SOX6: variants seen among roughly 807,000 people sequenced by gnomAD.
SOX6 encodes SRY-box transcription factor 6.
SOX6 carries 11 observed loss-of-function variants against 97.8 expected under a neutral mutation model. The ratio of observed to expected loss-of-function variants is 0.11; its 90% CI spans 0.07 to 0.19. SOX6 has a LOEUF of 0.19. SOX6 is among the 10% of genes least tolerant of loss of function. SOX6 has a pLI of 1.00. For missense variants in SOX6, 810 were observed against 1,039.5 expected, an observed-to-expected ratio of 0.78 and a Z score of 3.04; for synonymous variants, 360 against 371.4, an observed-to-expected ratio of 0.97 and a Z score of 0.35.
chr11:16,053,707 G>A (rs539362121), intron 10 of SOX6, among the ~76,000 whole-genome samples: 13 of 152,038 alleles, frequency 8.6e-5, no homozygotes, highest in Non-Finnish European at 1.8e-4. Flanking sequence ...GGGGGAAAAG[G>A]TACATCAGAT....
At chr11:16,595,706 G>A (rs1292576899) in intron 4 of SOX6, among the ~76,000 whole-genome samples, 2 of 151,870 alleles carry the variant, frequency 1.3e-5, no homozygotes, top group African/African-American at 4.8e-5. Flanking sequence ...GGCCAGGAAT[G>A]GCTGCAATGA....
chr11:16,141,877 C>T (rs1194078997), intron 6 of SOX6, among the ~76,000 whole-genome samples: 1 of 152,148 alleles, frequency 6.6e-6, no homozygotes, highest in Non-Finnish European at 1.5e-5. Context: ...GGGAGGAGCC[C>T]ACTGCAGGTC....
intron 4 of SOX6, among the ~76,000 whole-genome samples, chr11:16,536,316 G>T (rs181004043): frequency 6.6e-6 from 1 of 152,224 alleles, no homozygotes; most frequent in East Asian, 1.9e-4. Flanking sequence ...TAAAAATAAT[G>T]GTATAAATCA....
upstream of SOX6, among the ~76,000 whole-genome samples, chr11:16,477,387 C>A (rs952224966): frequency 3.3e-5 from 5 of 152,156 alleles, no homozygotes; most frequent in African/African-American, 1.2e-4. Context: ...TTTGTAGGAA[C>A]CACTGCACCC....
intron 6 of SOX6, among the ~76,000 whole-genome samples, chr11:16,152,088 G>A (rs1439899862): frequency 2.0e-5 from 3 of 152,076 alleles, no homozygotes; most frequent in Non-Finnish European, 2.9e-5. Context: ...ATACATCATA[G>A]GGAACACCAC....
upstream of SOX6, among the ~76,000 whole-genome samples, chr11:16,359,746 C>T (rs1857161743): frequency 6.6e-6 from 1 of 151,994 alleles, no homozygotes; most frequent in Admixed American, 6.6e-5. Context: ...TGAATAATCA[C>T]AAAGGAAATA....
intron 7 of SOX6, among the ~76,000 whole-genome samples, chr11:16,097,955 G>A (rs190773288): frequency 3.3e-5 from 5 of 151,886 alleles, no homozygotes; most frequent in East Asian, 1.9e-4. Context: ...ACTCCATTGC[G>A]AATCTTGTAA....
rs541697129 is a variant in SOX6 at position 16,352,437 on chromosome 11, A to G, written c.-5+3657T>C. Among the ~76,000 whole-genome samples the G allele has an allele frequency of 2.0e-5, 3 of 152,242 alleles. No individual in the cohort carries two copies. The East Asian group carries it at 5.8e-4, about 29-fold the overall frequency. ...CATTTAGTTCTTAGAGCAACTCTAGAAGTTAAATAATGTCATTATCCCTGT... is the reference window on the plus strand; with the variant it reads ...CATTTAGTTCTTAGAGCAACTCTAGGAGTTAAATAATGTCATTATCCCTGT... On this transcript the variant is annotated intron_variant, in intron 1 of 15. Coordinates refer to ENST00000683767, the MANE Select transcript of SOX6 (RefSeq NM_001367873.1).
chr11:15,989,477 T>C (rs949657484), intron 13 of SOX6, among the ~76,000 whole-genome samples: 1 of 152,186 alleles, frequency 6.6e-6, no homozygotes, highest in Admixed American at 6.5e-5. Context: ...CTACAATAAA[T>C]GGTAGGTGAT....
At chr11:16,322,218 A>G (rs752379345) in intron 2 of SOX6, among the ~76,000 whole-genome samples, 5 of 152,154 alleles carry the variant, frequency 3.3e-5, no homozygotes, top group Non-Finnish European at 5.9e-5. Context: ...GTAATTCCCA[A>G]TGTTGGAGGA....
intron 2 of SOX6, among the ~76,000 whole-genome samples, chr11:16,327,694 A>G (rs1049835503): frequency 4.6e-5 from 7 of 152,162 alleles, no homozygotes; most frequent in Non-Finnish European, 1.0e-4. Context: ...ATGGTCAGCC[A>G]TACTGCAAGC....
intron 3 of SOX6, among the ~76,000 whole-genome samples, chr11:16,271,330 T>C (rs1457625965): frequency 6.6e-6 from 1 of 151,402 alleles, no homozygotes; most frequent in Non-Finnish European, 1.5e-5. Flanking sequence ...GCAATTTACT[T>C]TTATGGTACT....
chr11:16,559,169 T>C (rs1847780537), intron 4 of SOX6, among the ~76,000 whole-genome samples: 3 of 152,054 alleles, frequency 2.0e-5, no homozygotes, highest in African/African-American at 7.2e-5. Flanking sequence ...TGACTTAATG[T>C]ATATTTGCTA....
intron 4 of SOX6, among the ~76,000 whole-genome samples, chr11:16,219,455 C>T (rs1186352165): frequency 6.6e-6 from 1 of 151,868 alleles, no homozygotes; most frequent in Non-Finnish European, 1.5e-5. Flanking sequence ...TTTAAATGAC[C>T]TAAATTCTCT....
chr11:16,363,025 C>T (rs1857249111), intron 1 of SOX6, among the ~76,000 whole-genome samples: 1 of 152,140 alleles, frequency 6.6e-6, no homozygotes, highest in Non-Finnish European at 1.5e-5. Context: ...TCGGTAAATA[C>T]ATATATGTAT....
chr11:16,415,566 T>C (rs150626393), intron 1 of SOX6, among the ~76,000 whole-genome samples: 1 of 152,188 alleles, frequency 6.6e-6, no homozygotes, highest in Non-Finnish European at 1.5e-5. Flanking sequence ...TGATTTTGAA[T>C]GTTCTCAAAA....
chr11:16,208,349 TC>T (rs1422656621), intron 4 of SOX6, among the ~76,000 whole-genome samples: 1 of 152,198 alleles, frequency 6.6e-6, no homozygotes, highest in Non-Finnish European at 1.5e-5. Flanking sequence ...AAACTACTTT[TC>T]TAATAATACT....
intron 13 of SOX6, among the ~76,000 whole-genome samples, chr11:16,002,468 A>G (rs1264354403): frequency 1.3e-5 from 2 of 152,122 alleles, no homozygotes; most frequent in Non-Finnish European, 2.9e-5. Flanking sequence ...TATTTCAACT[A>G]CAGAATCCCA....
At chr11:16,580,866 T>C (rs1364811761) in intron 4 of SOX6, among the ~76,000 whole-genome samples, 2 of 152,030 alleles carry the variant, frequency 1.3e-5, no homozygotes, top group African/African-American at 4.8e-5. Flanking sequence ...CACTGATCAT[T>C]AGAGAAATAC....
Sources: allele counts gnomAD v4.1 joint callset (sites outside exome capture counted in the v4.1 genomes callset), GRCh38; gene constraint gnomAD v4.1.1; transcripts MANE v1.5; gene names NCBI Gene and HGNC (gene_info 2026-07-23, HGNC 2026-07-21).